CAMK4: variants seen among roughly 807,000 people sequenced by gnomAD.
CAMK4 encodes the protein calcium/calmodulin dependent protein kinase IV.
CAMK4 carries 22 observed loss-of-function variants against 44.9 expected under a neutral mutation model. That is an observed-to-expected ratio of 0.49 (90% CI 0.35 to 0.70). The LOEUF (loss-of-function observed/expected upper bound fraction) is 0.70, where lower values mean the gene tolerates loss of function less well. Ranked by LOEUF, CAMK4 falls within the 30% of genes least tolerant of loss-of-function variation. The probability of loss-of-function intolerance (pLI) is 0.01; values close to 1 mark genes in which losing one functional copy is unlikely to be tolerated. For synonymous variants in CAMK4, 218 were observed against 215.4 expected, an observed-to-expected ratio of 1.01 and a Z score of -0.11; for missense variants, 498 against 586.8, an observed-to-expected ratio of 0.85 and a Z score of 1.56.
At chr5:111,373,046 C>G (rs1751071786) in intron 2 of CAMK4, among the ~76,000 whole-genome samples, 1 of 152,128 alleles carries the variant, frequency 6.6e-6, no homozygotes, top group African/African-American at 2.4e-5. Context: ...AAGAAGTATG[C>G]TGGGTTGCAC....
intron 1 of CAMK4, among the ~76,000 whole-genome samples, chr5:111,272,503 A>C (rs928906665): frequency 6.6e-6 from 1 of 152,142 alleles, no homozygotes; most frequent in East Asian, 1.9e-4. Context: ...ATCTTGAGAA[A>C]CTACAGCTTA....
chr5:111,445,341 A>G (rs898757579), intron 5 of CAMK4, among the ~76,000 whole-genome samples: 3 of 152,186 alleles, frequency 2.0e-5, no homozygotes, highest in South Asian at 4.1e-4. Flanking sequence ...TATTAATGAT[A>G]TATATAAGTA....
At chr5:111,382,156 C>A (rs998767507) in intron 4 of CAMK4, among the ~76,000 whole-genome samples, 1 of 152,136 alleles carries the variant, frequency 6.6e-6, no homozygotes, top group African/African-American at 2.4e-5. Flanking sequence ...CTCTCTTCAC[C>A]TTTTTTGAGG....
At position 111,494,797 on chromosome 5, in the gene CAMK4, TGCC is replaced by T. The variant is rs1756011384; in HGVS notation, c.*10332_*10334del. ...TCACTCAGACAGACATGTCAGAACA[TGCC>T]CAAAGAAGCCTATATCTTGCTGCTG... On this transcript the variant is annotated 3_prime_UTR_variant, in exon 11 of 11. Transcript: ENST00000282356. 6.6e-6 allele frequency: 1 copy of T among 152,274 alleles called. No homozygotes were observed. The highest frequency in any genetic ancestry group is 1.9e-4 in the East Asian group (1 of 5,190). The allele number at this position is 152,274 out of a possible 1,614,324, so 9.4% of individuals were successfully genotyped here.
intron 4 of CAMK4, among the ~76,000 whole-genome samples, chr5:111,378,028 T>C (rs1405168803): frequency 6.6e-6 from 1 of 152,112 alleles, no homozygotes; most frequent in Non-Finnish European, 1.5e-5. Flanking sequence ...TGAATGTTTG[T>C]GTGCCCCCAA....
In CAMK4 at chr5:111,486,333, T is replaced by TC. The variant is rs1258764537; in HGVS notation, c.*1870dup. Reference sequence around the variant, plus strand: ...ATCTAGTAGAGAGCACTTTTCTTATTCCCTCTTTCCTTCCTTCCTCATTTA... The same window carrying TC: ...ATCTAGTAGAGAGCACTTTTCTTATTCCCCTCTTTCCTTCCTTCCTCATTTA... On this transcript the variant is annotated 3_prime_UTR_variant, in exon 11 of 11. Coordinates refer to ENST00000282356, the MANE Select transcript of CAMK4 (RefSeq NM_001744.6). The TC allele has an allele frequency of 4.6e-5, 7 of 152,030 alleles. No individual in the cohort carries two copies. The highest frequency in any genetic ancestry group is 1.0e-4 in the Non-Finnish European group (7 of 68,018). 9.4% of individuals were successfully genotyped at this position (152,030 alleles called of 1,614,324 possible).
intron 1 of CAMK4, among the ~76,000 whole-genome samples, chr5:111,281,172 G>C (rs1750998181): frequency 6.6e-6 from 1 of 152,162 alleles, no homozygotes; most frequent in Admixed American, 6.5e-5. Context: ...AGAGGTGTTG[G>C]TGGCTTCCAG....
At chr5:111,311,697 C>G (rs990913519) in intron 1 of CAMK4, among the ~76,000 whole-genome samples, 1 of 152,132 alleles carries the variant, frequency 6.6e-6, no homozygotes, top group African/African-American at 2.4e-5. Context: ...TCATAAATTT[C>G]TAAAAGACAT....
chr5:111,407,533 A>C (rs1158358982), intron 5 of CAMK4, among the ~76,000 whole-genome samples: 1 of 152,144 alleles, frequency 6.6e-6, no homozygotes, highest in Admixed American at 6.6e-5. Flanking sequence ...TACACATTTT[A>C]ATTACATTAA....
chr5:111,449,887 A>G (rs1390415353), intron 7 of CAMK4: 1 of 152,276 alleles, frequency 6.6e-6, no homozygotes. Context: ...TGTAAAAATT[A>G]TCAAGAATTC....
rs115770398 is a variant in CAMK4, at chr5:111,231,827, G to A, written c.161+7183G>A. Among the ~76,000 whole-genome samples, 678 of 152,250 alleles carry A rather than the reference G, an allele frequency of 4.5e-3. 5 individuals carry two copies. The highest frequency in any genetic ancestry group is 0.015 in the African/African-American group (634 of 41,528). On this transcript the variant is annotated intron_variant, in intron 1 of 10. Transcript: ENST00000282356. ...TAGAAACAAATTGTAAAAATAAATT[G>A]TAATGGAAACATAACATTTTTAGTA...
intron 1 of CAMK4, among the ~76,000 whole-genome samples, chr5:111,315,591 A>G (rs1024831134): frequency 1.8e-4 from 28 of 152,122 alleles, no homozygotes; most frequent in Non-Finnish European, 2.8e-4. Flanking sequence ...GAAGATTATG[A>G]TCTTCATTTT....
chr5:111,376,882 A>T lies in CAMK4; in HGVS notation c.326A>T (p.Glu109Val). 1 of 1,598,790 alleles carries T rather than the reference A, an allele frequency of 6.3e-7. No individual in the cohort carries two copies. Among genetic ancestry groups the T allele is most frequent in the Non-Finnish European group, 8.6e-7 (1 of 1,168,856 alleles). Reference sequence around the variant, plus strand: ...TAGATAAAACTTAAAGAGATATTTGAAACCCCTACAGAAATCAGTCTGGTC... The same window carrying T: ...TAGATAAAACTTAAAGAGATATTTGTAACCCCTACAGAAATCAGTCTGGTC... Reference protein sequence around the residue: ...PNIIKLKEIFETPTEISLVLE... With the variant: ...PNIIKLKEIFVTPTEISLVLE... Residue 109 changes from glutamate to valine, a missense_variant, in exon 4 of 11, where the codon GAA becomes GTA. Glu to Val is a moderately radical substitution (Grantham distance 121). This residue lies in a region of CAMK4 where 152 missense variants were observed against 143.7 expected (regional missense o/e 1.06). Transcript: ENST00000282356.
chr5:111,298,007 G>T (rs1747563037), intron 1 of CAMK4, among the ~76,000 whole-genome samples: 2 of 151,936 alleles, frequency 1.3e-5, no homozygotes, highest in African/African-American at 4.8e-5. Flanking sequence ...TTTCTTTTTG[G>T]TATGTTTTTC....
rs866680425 is a variant in CAMK4 at position 111,337,092 on chromosome 5, A to G, written c.162-6932A>G. Among the ~76,000 whole-genome samples, 65 of 151,346 alleles carry G rather than the reference A, an allele frequency of 4.3e-4. 1 individual carries two copies. In the Middle Eastern group the frequency reaches 0.01, roughly 24 times the overall value. ...ATAAAATAGTTCTATCATGTGAAAA[A>G]AATTCCCCTATACTACTTTGTAGTC... On this transcript the variant is annotated intron_variant, in intron 1 of 10. Coordinates refer to ENST00000282356, the MANE Select transcript of CAMK4 (RefSeq NM_001744.6).
intron 7 of CAMK4, among the ~76,000 whole-genome samples, chr5:111,470,199 C>T (rs996056060): frequency 6.6e-6 from 1 of 152,250 alleles, no homozygotes; most frequent in Non-Finnish European, 1.5e-5. Context: ...TGCTCAAAGA[C>T]ACTTTCTGTG....
At chr5:111,356,528 T>C (rs1750363678) in intron 2 of CAMK4, among the ~76,000 whole-genome samples, 3 of 152,388 alleles carry the variant, frequency 2.0e-5, no homozygotes, top group Admixed American at 6.5e-5. Flanking sequence ...TTTGTCAATT[T>C]TGGCTTTTGT....
At chr5:111,456,737 A>C (rs966083003) in intron 7 of CAMK4, among the ~76,000 whole-genome samples, 1 of 152,162 alleles carries the variant, frequency 6.6e-6, no homozygotes, top group African/African-American at 2.4e-5. Context: ...TAGTTTTAGA[A>C]ATTTTGGTAT....
chr5:111,486,542 C>CACACACACACACACACACACATAT lies in CAMK4; in HGVS notation c.*2076_*2077insACACACACACACACACACACATAT, dbSNP rs139004418. ...ACACACACACACACACACACACACACGTGTTGGAAGAGCAAAGAGAGGGAA... is the reference window on the plus strand; with the variant it reads ...ACACACACACACACACACACACACACACACACACACACACACACACATATGTGTTGGAAGAGCAAAGAGAGGGAA... On this transcript the variant is annotated 3_prime_UTR_variant, in exon 11 of 11. Coordinates refer to ENST00000282356, the MANE Select transcript of CAMK4 (RefSeq NM_001744.6). 6 of 147,244 alleles carry CACACACACACACACACACACATAT rather than the reference C, an allele frequency of 4.1e-5. No homozygotes were observed. Among genetic ancestry groups the CACACACACACACACACACACATAT allele is most frequent in the African/African-American group, 1.5e-4 (6 of 39,760 alleles). The allele number at this position is 147,244 out of a possible 1,614,324, so 9.1% of individuals were successfully genotyped here. A position where few individuals can be genotyped will look rare whatever the true frequency, so the allele number is the denominator to read the frequency against.
Sources: allele counts gnomAD v4.1 joint callset (sites outside exome capture counted in the v4.1 genomes callset), GRCh38; gene constraint gnomAD v4.1.1; regional missense constraint gnomAD v4.1.1; transcripts MANE v1.5; gene names NCBI Gene and HGNC (gene_info 2026-07-23, HGNC 2026-07-21).